Variants in NALCN observed in about 807,000 individuals in gnomAD.
NALCN encodes sodium leak channel, non-selective.
In NALCN, 111 loss-of-function variants were observed where a neutral mutation model predicts 225.3. The observed-to-expected ratio is 0.49, with a 90% confidence interval of 0.42 to 0.58. The LOEUF (loss-of-function observed/expected upper bound fraction) is 0.58, where lower values mean the gene tolerates loss of function less well. Among genes scored for constraint, NALCN ranks in the 20% least tolerant of loss-of-function variants. The probability of loss-of-function intolerance (pLI) is 0.00; values close to 1 mark genes in which losing one functional copy is unlikely to be tolerated. For missense variants in NALCN, 1,378 were observed against 2,202.4 expected, an observed-to-expected ratio of 0.63 and a Z score of 7.49; for synonymous variants, 764 against 769.0, an observed-to-expected ratio of 0.99 and a Z score of 0.11.
chr13:101,390,911 G>C lies in NALCN; in HGVS notation c.291+4272C>G, dbSNP rs560081182. Among the ~76,000 whole-genome samples, 233 of 150,348 alleles carry C rather than the reference G, an allele frequency of 1.5e-3. 1 individual carries two copies. Among genetic ancestry groups the C allele is most frequent in the African/African-American group, 5.4e-3 (222 of 40,786 alleles). On this transcript the variant is annotated intron_variant, in intron 3 of 43. Transcript: ENST00000251127. ...AACATCACAAACCGGGGCCTGTCAT[G>C]GGGTCGGGGGAGGGAGGAGGGATAG...
intron 13 of NALCN, among the ~76,000 whole-genome samples, chr13:101,210,803 G>A (rs866149937): frequency 2.6e-5 from 4 of 152,126 alleles, no homozygotes; most frequent in East Asian, 3.9e-4. Flanking sequence ...CATGGCAGGC[G>A]CAGTGCTAAC....
intron 7 of NALCN, among the ~76,000 whole-genome samples, chr13:101,324,806 C>T (rs745806882): frequency 1.4e-4 from 22 of 152,270 alleles, no homozygotes; most frequent in Non-Finnish European, 2.9e-4. Context: ...GAACTTCCAA[C>T]ACTATGTTGA....
chr13:101,064,219 G>A lies in NALCN; in HGVS notation c.4604+1185C>T, dbSNP rs369267962. Among the ~76,000 whole-genome samples, 62 of 152,192 alleles carry A rather than the reference G, an allele frequency of 4.1e-4. 2 individuals are homozygous for A. Among genetic ancestry groups the A allele is most frequent in the African/African-American group, 1.4e-3 (60 of 41,514 alleles). On this transcript the variant is annotated intron_variant, in intron 40 of 43. Transcript: ENST00000251127. ...ACAAAGACATGGATATTGCTAATGCGACTGTGGTTTGTTGCCTACGTTCAT... is the reference window on the plus strand; with the variant it reads ...ACAAAGACATGGATATTGCTAATGCAACTGTGGTTTGTTGCCTACGTTCAT...
intron 13 of NALCN, among the ~76,000 whole-genome samples, chr13:101,199,740 T>C (rs2040039788): frequency 6.6e-6 from 1 of 151,912 alleles, no homozygotes; most frequent in African/African-American, 2.4e-5. Context: ...ATGGCACATG[T>C]ATACATATGT....
At position 101,217,296 on chromosome 13, in the gene NALCN, A is replaced by G. The variant is rs145178216; in HGVS notation, c.1626+12097T>C. Among the ~76,000 whole-genome samples the G allele has an allele frequency of 4.8e-3, 724 of 152,330 alleles. 8 individuals are homozygous for G. Among genetic ancestry groups the G allele is most frequent in the African/African-American group, 0.017 (704 of 41,584 alleles). The stretch of plus-strand genomic sequence containing the variant: ...TCTTAGGACCTGTACAGGCTGTTCC[A>G]GAATGAATAGTTCATCTAAATTGTA... On this transcript the variant is annotated intron_variant, in intron 13 of 43. Transcript: ENST00000251127.
intron 39 of NALCN, among the ~76,000 whole-genome samples, 179 bp downstream of exon 39, chr13:101,067,739 G>A (rs2032541221): frequency 6.6e-6 from 1 of 152,190 alleles, no homozygotes; most frequent in Non-Finnish European, 1.5e-5. Context: ...CATGTAAGGA[G>A]GAACGATGCT....
chr13:101,229,934 A>C (rs1594484445), intron 12 of NALCN, among the ~76,000 whole-genome samples: 1 of 152,352 alleles, frequency 6.6e-6, no homozygotes, highest in African/African-American at 2.4e-5. Flanking sequence ...TAAAATGCTC[A>C]AAAATTTAAA....
rs775152584 is a variant in NALCN at position 101,104,675 on chromosome 13, G to C, written c.2637-25C>G. On this transcript the variant is annotated intron_variant, in intron 23 of 43. Coordinates refer to ENST00000251127, the MANE Select transcript of NALCN (RefSeq NM_052867.4). This position sits in a 1 kb window ranked among gnomAD's most constrained non-coding sequence, Gnocchi z 4.2. ...ACTGCCAAAGACCAAACAAAATTGA[G>C]AAACATAAAGGTTCCAGGAAAGGCT... The C allele has an allele frequency of 3.0e-5, 48 of 1,613,180 alleles. No individual in the cohort carries two copies. The highest frequency in any genetic ancestry group is 3.9e-5 in the Non-Finnish European group (46 of 1,179,586).
At chr13:101,370,117 G>A (rs61973696) in intron 6 of NALCN, among the ~76,000 whole-genome samples, 4,720 of 152,024 alleles carry the variant, frequency 0.031, 100 homozygotes, top group South Asian at 0.053. Context: ...TTCTGTGTTA[G>A]GATACTAGGT....
chr13:101,359,626 A>T (rs897950181), intron 6 of NALCN, among the ~76,000 whole-genome samples: 2 of 152,202 alleles, frequency 1.3e-5, no homozygotes, highest in Non-Finnish European at 2.9e-5. Flanking sequence ...TATGCAGCTG[A>T]TGTGCATAAA....
chr13:101,189,071 C>G (rs950505202), intron 14 of NALCN, among the ~76,000 whole-genome samples: 4 of 152,188 alleles, frequency 2.6e-5, no homozygotes, highest in African/African-American at 9.6e-5. Flanking sequence ...TTACTTTCAC[C>G]TTTTAAAAAC....
chr13:101,074,430 T>C lies in NALCN; in HGVS notation c.4103+84A>G, dbSNP rs546915295. 940 of 1,311,482 alleles carry C rather than the reference T, an allele frequency of 7.2e-4. 18 individuals carry two copies. In the East Asian group the frequency reaches 0.024, roughly 33 times the overall value. 81.2% of individuals were successfully genotyped at this position (1,311,482 alleles called of 1,614,324 possible). ...CCCTTTCCCCTCTCCTAGACTTTAA[T>C]AGACAAAAAACATTTGTTTATTTAA... On this transcript the variant is annotated intron_variant, in intron 36 of 43. Transcript: ENST00000251127.
At chr13:101,244,165 T>C (rs1276747454) in intron 11 of NALCN, among the ~76,000 whole-genome samples, 1 of 113,104 alleles carries the variant, frequency 8.8e-6, no homozygotes, top group Non-Finnish European at 2.0e-5. Flanking sequence ...CAGACTGAGA[T>C]TTTCATTCCA....
At chr13:101,108,068 C>T (rs986598438) in intron 20 of NALCN, among the ~76,000 whole-genome samples, 2 of 144,310 alleles carry the variant, frequency 1.4e-5, no homozygotes, top group African/African-American at 5.0e-5. Context: ...TATATATTTA[C>T]AATAAATATA....
intron 1 of NALCN, among the ~76,000 whole-genome samples, chr13:101,415,429 C>T (rs2047915278): frequency 6.6e-6 from 1 of 152,058 alleles, no homozygotes; most frequent in East Asian, 1.9e-4. Flanking sequence ...TTCACACATC[C>T]TTAATAATAC....
At chr13:101,263,744 GCTTA>G (rs2042507969) in intron 10 of NALCN, among the ~76,000 whole-genome samples, 1 of 152,138 alleles carries the variant, frequency 6.6e-6, no homozygotes, top group Non-Finnish European at 1.5e-5. Flanking sequence ...AATCACCATT[GCTTA>G]GCTGACTTTC....
intron 7 of NALCN, among the ~76,000 whole-genome samples, chr13:101,340,449 AAC>A (rs1348200563): frequency 6.6e-6 from 1 of 152,200 alleles, no homozygotes; most frequent in African/African-American, 2.4e-5. Context: ...TCCCTCAAAT[AAC>A]ACAGAGATAC....
intron 15 of NALCN, among the ~76,000 whole-genome samples, chr13:101,168,642 G>A (rs17485290): frequency 0.24 from 36,801 of 151,950 alleles, 5,230 homozygotes; most frequent in Non-Finnish European, 0.32. Flanking sequence ...CCTCAAGAAC[G>A]GATTCTTCCA....
chr13:101,376,424 G>A (rs2046691056), intron 6 of NALCN, among the ~76,000 whole-genome samples: 1 of 152,148 alleles, frequency 6.6e-6, no homozygotes, highest in Non-Finnish European at 1.5e-5. Context: ...GGCTGAGGAA[G>A]GAGAAACGCT....
Sources: gnomAD v4.1 joint callset for allele counts (sites outside exome capture counted in the v4.1 genomes callset) on GRCh38, gnomAD v4.1.1 for gene constraint, Gnocchi (gnomAD v3.1) non-coding constraint, MANE v1.5 for transcripts, NCBI Gene and HGNC (gene_info 2026-07-23, HGNC 2026-07-21) for gene names.